The following PAK1 variants were observed in gnomAD, a reference collection of about 807,000 sequenced individuals.
The protein encoded by PAK1 is serine/threonine-protein kinase PAK 1.
Under a neutral mutation model 67.4 loss-of-function variants are expected in PAK1, and 29 were observed. The observed-to-expected ratio is 0.43, with a 90% confidence interval of 0.32 to 0.59. PAK1 has a LOEUF of 0.59. Among genes scored for constraint, PAK1 ranks in the 20% least tolerant of loss-of-function variants. The pLI is 0.07. For synonymous variants in PAK1, 223 were observed against 237.4 expected (o/e 0.94, Z 0.56); for missense variants, 337 against 670.7 (o/e 0.50, Z 5.50).
chr11:77,396,356 T>C (rs1951829023), intron 1 of PAK1, among the ~76,000 whole-genome samples: 3 of 152,242 alleles, frequency 2.0e-5, no homozygotes, highest in Admixed American at 2.0e-4. Context: ...TCTCATTTAA[T>C]GAGTTATCAC....
upstream of PAK1, among the ~76,000 whole-genome samples, chr11:77,477,981 G>A (rs1958077577): frequency 2.0e-5 from 3 of 152,142 alleles, no homozygotes. Flanking sequence ...GTTGAGAGTG[G>A]CCAGAGCCTA....
the PAK1 span, among the ~76,000 whole-genome samples, chr11:77,505,923 C>G: frequency 4.0e-4 from 61 of 152,246 alleles, 1 homozygote; most frequent in South Asian, 0.012. Context: ...GGTCCGGCGC[C>G]AGGGACTGGT....
chr11:77,438,053 C>G (rs1472168817), intron 1 of PAK1, among the ~76,000 whole-genome samples: 1 of 152,014 alleles, frequency 6.6e-6, no homozygotes, highest in Non-Finnish European at 1.5e-5. Flanking sequence ...ACATCTATTT[C>G]TTTTCCAGCA....
At chr11:77,340,522 G>T in intron 11 of PAK1, 124 bp downstream of exon 11, 1 of 697,550 alleles carries the variant, frequency 1.4e-6, no homozygotes. Flanking sequence ...AATGATAGCA[G>T]TGTCAGCACT....
chr11:77,438,484 T>C (rs1271908422), intron 1 of PAK1, among the ~76,000 whole-genome samples: 2 of 152,204 alleles, frequency 1.3e-5, no homozygotes, highest in African/African-American at 4.8e-5. Context: ...TTAGGTGCTC[T>C]ATAAATGTTT....
the PAK1 span, among the ~76,000 whole-genome samples, chr11:77,479,666 G>A: frequency 7.1e-6 from 1 of 140,432 alleles, no homozygotes; most frequent in South Asian, 2.3e-4. Context: ...GGAGTGCAGT[G>A]GTACGATATC....
intron 8 of PAK1, among the ~76,000 whole-genome samples, chr11:77,349,718 T>C (rs1944968297): frequency 6.6e-6 from 1 of 152,134 alleles, no homozygotes; most frequent in Admixed American, 6.5e-5. Flanking sequence ...CTCTCCTCCA[T>C]CACCCTTGGC....
chr11:77,434,828 A>G (rs1258997390), intron 1 of PAK1, among the ~76,000 whole-genome samples: 1 of 152,118 alleles, frequency 6.6e-6, no homozygotes, highest in African/African-American at 2.4e-5. Context: ...CATGTTGCCC[A>G]GGCTGGTCTC....
chr11:77,522,500 G>T, the PAK1 span, among the ~76,000 whole-genome samples: 1 of 152,152 alleles, frequency 6.6e-6, no homozygotes, highest in Non-Finnish European at 1.5e-5. Flanking sequence ...TTGGAGAAAT[G>T]CAGATCAAAA....
chr11:77,414,785 T>C (rs899773505), intron 1 of PAK1, among the ~76,000 whole-genome samples: 2 of 152,160 alleles, frequency 1.3e-5, no homozygotes, highest in African/African-American at 4.8e-5. Context: ...TGCAAAACTA[T>C]AAAATGTCTA....
At chr11:77,395,395 TTTAA>T (rs1359326474) in intron 1 of PAK1, among the ~76,000 whole-genome samples, 3 of 152,308 alleles carry the variant, frequency 2.0e-5, no homozygotes, top group African/African-American at 7.2e-5. Flanking sequence ...ACTCAAATAT[TTTAA>T]TTAATCAAAC....
the PAK1 span, among the ~76,000 whole-genome samples, chr11:77,506,664 T>C: frequency 1.3e-5 from 2 of 152,104 alleles, no homozygotes; most frequent in East Asian, 3.8e-4. Flanking sequence ...AATGGTGGGT[T>C]GTCGGGGTGG....
intron 1 of PAK1, among the ~76,000 whole-genome samples, chr11:77,472,149 AG>A (rs1380570132): frequency 6.6e-6 from 1 of 152,230 alleles, no homozygotes; most frequent in African/African-American, 2.4e-5. Flanking sequence ...TCCGAACTCC[AG>A]TAATGTTGGA....
At chr11:77,400,453 C>T (rs184590547) in intron 1 of PAK1, among the ~76,000 whole-genome samples, 2 of 152,226 alleles carry the variant, frequency 1.3e-5, no homozygotes, top group African/African-American at 4.8e-5. Flanking sequence ...GGAGAGATGA[C>T]AATGAGAAAA....
the PAK1 span, among the ~76,000 whole-genome samples, chr11:77,499,135 TA>T: frequency 9.1e-4 from 129 of 141,104 alleles, no homozygotes; most frequent in Non-Finnish European, 1.0e-3. Flanking sequence ...CACTCACTAC[TA>T]AAAAAAAAAA....
chr11:77,481,738 G>T, the PAK1 span, among the ~76,000 whole-genome samples: 1 of 150,458 alleles, frequency 6.6e-6, no homozygotes, highest in Non-Finnish European at 1.5e-5. Flanking sequence ...CTATTTTTAT[G>T]CAATGATAGT....
the PAK1 span, among the ~76,000 whole-genome samples, chr11:77,489,941 A>G: frequency 9.4e-5 from 14 of 149,026 alleles, no homozygotes; most frequent in East Asian, 1.0e-3. Context: ...CCCTCTGCCC[A>G]GCTGCCCACT....
the PAK1 span, among the ~76,000 whole-genome samples, chr11:77,499,214 A>G: frequency 2.0e-5 from 3 of 151,672 alleles, no homozygotes; most frequent in African/African-American, 7.3e-5. Flanking sequence ...CCTACCAGGA[A>G]TATCTATTGT....
Position 77,422,758 on chromosome 11 carries a change from G to C in PAK1, c.-21-30217C>G, listed in dbSNP as rs1342823711. On this transcript the variant is annotated intron_variant, in intron 1 of 14. Coordinates refer to ENST00000356341, the MANE Select transcript of PAK1 (RefSeq NM_002576.5). ...TAGTCAGTAAGTTTCTAAGGATTCT[G>C]GGGAAATGGTTGCTTTAATTATAAA... Among the ~76,000 whole-genome samples, 9 of 152,114 alleles carry C rather than the reference G, an allele frequency of 5.9e-5. No homozygotes were observed. The South Asian group carries it at 1.5e-3, about 25-fold the overall frequency.
Sources: allele counts gnomAD v4.1 joint callset (sites outside exome capture counted in the v4.1 genomes callset), GRCh38; gene constraint gnomAD v4.1.1; transcripts MANE v1.5; gene names NCBI Gene and HGNC (gene_info 2026-07-23, HGNC 2026-07-21).